CFHR5: variants seen among roughly 807,000 people sequenced by gnomAD.
CFHR5 encodes the protein complement factor H related 5.
Under a neutral mutation model 62.9 loss-of-function variants are expected in CFHR5, and 73 were observed. The observed-to-expected ratio is 1.16, with a 90% CI of 0.96 to 1.41. The LOEUF (loss-of-function observed/expected upper bound fraction) is 1.41, where lower values mean the gene tolerates loss of function less well. Ranked by LOEUF, CFHR5 falls within the 40% of genes most tolerant of loss-of-function variation. CFHR5 has a pLI of 0.00. For missense variants in CFHR5, 779 were observed against 679.9 expected, an observed-to-expected ratio of 1.15 and a Z score of -1.62; for synonymous variants, 249 against 227.2, an observed-to-expected ratio of 1.10 and a Z score of -0.86.
chr1:197,007,028 G>T (rs1263830909), intron 9 of CFHR5, among the ~76,000 whole-genome samples: 2 of 151,646 alleles, frequency 1.3e-5, no homozygotes, highest in Non-Finnish European at 2.9e-5. Context: ...GTAGAGACAG[G>T]GTTTCACCCT....
rs140691305 is a variant in CFHR5 at position 196,984,036 on chromosome 1, T to C, written c.329T>C (p.Val110Ala). ...CTAATACATCTGGAAGGTGATACTG[T>C]ACAAATTATTTGCAACACAGGATAC... is the stretch of plus-strand genomic sequence containing the variant. ...SGLIHLEGDT[V>A]QIICNTGYSL... The change falls in exon 3 of 10, where the codon GTA (valine) becomes GCA (alanine). Residue 110 changes from valine (V) to alanine (A), a missense_variant. Transcript: ENST00000256785. 1,505 of 1,613,088 alleles carry C rather than the reference T, an allele frequency of 9.3e-4. 27 individuals are homozygous for C. In the South Asian group the frequency reaches 0.014, roughly 15 times the overall value.
At chr1:196,985,517 A>G (rs892856610) in intron 3 of CFHR5, among the ~76,000 whole-genome samples, 2 of 152,218 alleles carry the variant, frequency 1.3e-5, no homozygotes, top group Admixed American at 1.3e-4. Flanking sequence ...AACAAATGTT[A>G]CTAACACTAG....
Position 196,993,059 on chromosome 1 carries a change from C to T in CFHR5, c.431-1021C>T, listed in dbSNP as rs150980186. 7.2e-5 allele frequency among the ~76,000 whole-genome samples: 11 copies of T among 152,012 alleles called. No homozygotes were observed. In the East Asian group the frequency reaches 1.9e-3, roughly 27 times the overall value. On this transcript the variant is annotated intron_variant, in intron 3 of 9. Transcript: ENST00000256785. ...ATGAAAGATTATTAAATGAGAAAAA[C>T]ACACATATTCATATACATATCTATT...
At chr1:196,983,923 A>G (rs771889857) in intron 2 of CFHR5, 38 bp from the exon 3 acceptor site, 2 of 1,432,864 alleles carry the variant, frequency 1.4e-6, no homozygotes, top group Non-Finnish European at 1.9e-6. Context: ...TTTTTTTGCT[A>G]CTTCCATCTT....
At chr1:196,997,337 C>A (rs947022733) in intron 6 of CFHR5, among the ~76,000 whole-genome samples, 4 of 152,098 alleles carry the variant, frequency 2.6e-5, no homozygotes, top group Non-Finnish European at 4.4e-5. Flanking sequence ...AACTTTTATG[C>A]AAGGAGTACA....
At chr1:196,991,537 C>A (rs867017394) in intron 3 of CFHR5, among the ~76,000 whole-genome samples, 11 of 152,264 alleles carry the variant, frequency 7.2e-5, no homozygotes, top group Non-Finnish European at 1.2e-4. Flanking sequence ...TGGTGACCTA[C>A]AGATGGGGTT....
At chr1:196,997,485 A>G (rs1212170104) in intron 6 of CFHR5, among the ~76,000 whole-genome samples, 4 of 152,180 alleles carry the variant, frequency 2.6e-5, no homozygotes, top group African/African-American at 7.2e-5. Context: ...AAAAGGCTCC[A>G]TAACTATCTA....
intron 2 of CFHR5, among the ~76,000 whole-genome samples, chr1:196,983,724 C>T (rs1360076907): frequency 6.6e-6 from 1 of 152,032 alleles, no homozygotes; most frequent in African/African-American, 2.4e-5. Flanking sequence ...AGTTTATAAA[C>T]ACAAGATTTT....
chr1:196,982,991 T>C lies in CFHR5; in HGVS notation c.165T>C (p.Cys55=). ...VPTGEVFYYS[C]EYNFVSPSKS... ...CAGGGGAAGTTTTCTATTACTCCTG[T>C]GAATATAATTTTGTGTCTCCTTCAA... The change falls in exon 2 of 10, where the codon TGT becomes TGC. Residue 55 remains cysteine (C), a synonymous_variant. Coordinates refer to ENST00000256785, the MANE Select transcript of CFHR5 (RefSeq NM_030787.4). The C allele has an allele frequency of 6.2e-7, 1 of 1,614,128 alleles. No homozygotes were observed. The highest frequency in any genetic ancestry group is 8.5e-7 in the Non-Finnish European group (1 of 1,180,022).
chr1:196,989,103 T>G (rs1032254874), intron 3 of CFHR5, among the ~76,000 whole-genome samples: 1 of 152,168 alleles, frequency 6.6e-6, no homozygotes, highest in African/African-American at 2.4e-5. Flanking sequence ...CTTGGGAGGA[T>G]GTATGTGTCG....
intron 9 of CFHR5, among the ~76,000 whole-genome samples, chr1:197,005,254 A>G (rs1029722010): frequency 9.9e-5 from 15 of 152,184 alleles, no homozygotes; most frequent in African/African-American, 3.4e-4. Context: ...AGCTTTCCCT[A>G]GTAGAACACC....
At chr1:196,993,577 A>G (rs1301218187) in intron 3 of CFHR5, among the ~76,000 whole-genome samples, 1 of 152,108 alleles carries the variant, frequency 6.6e-6, no homozygotes, top group Admixed American at 6.6e-5. Context: ...GATTACAGAC[A>G]TGACCCACCA....
intron 9 of CFHR5, among the ~76,000 whole-genome samples, chr1:197,005,053 C>T (rs1414154849): frequency 6.6e-6 from 1 of 152,084 alleles, no homozygotes; most frequent in East Asian, 1.9e-4. Flanking sequence ...ATTTTAAAGA[C>T]CTACATGTGA....
chr1:196,995,707 T>C lies in CFHR5; in HGVS notation c.608-10T>C. 6.2e-7 allele frequency: 1 copy of C among 1,609,964 alleles called. No homozygotes were observed. On this transcript the variant is annotated splice_polypyrimidine_tract_variant and intron_variant, in intron 4 of 9. Coordinates refer to ENST00000256785, the MANE Select transcript of CFHR5 (RefSeq NM_030787.4). ...CCATTTAAGCATTATTTATGGTTTC[T>C]TTATAATAGGACAAGTACGATCATG...
At chr1:197,005,455 G>A (rs1275572288) in intron 9 of CFHR5, among the ~76,000 whole-genome samples, 2 of 152,004 alleles carry the variant, frequency 1.3e-5, no homozygotes, top group Non-Finnish European at 2.9e-5. Flanking sequence ...TGTGCACTTT[G>A]TGGCATTAAA....
At chr1:196,993,381 G>A (rs535930072) in intron 3 of CFHR5, among the ~76,000 whole-genome samples, 21 of 151,944 alleles carry the variant, frequency 1.4e-4, no homozygotes, top group Admixed American at 3.3e-4. Flanking sequence ...TGCAACCTCC[G>A]CCTCCTGGGT....
intron 9 of CFHR5, among the ~76,000 whole-genome samples, chr1:197,006,426 TC>T (rs907249115): frequency 6.6e-6 from 1 of 152,092 alleles, no homozygotes; most frequent in Non-Finnish European, 1.5e-5. Context: ...AATAATTTTT[TC>T]CAGCCAGGCA....
At chr1:196,999,376 A>C (rs1038328491) in intron 7 of CFHR5, among the ~76,000 whole-genome samples, 3 of 151,782 alleles carry the variant, frequency 2.0e-5, no homozygotes, top group Non-Finnish European at 4.4e-5. Context: ...TGAAATGTTT[A>C]CTTAAATTGG....
chr1:196,984,329 T>A (rs1262778269), intron 3 of CFHR5, among the ~76,000 whole-genome samples, 192 bp downstream of exon 3: 1 of 152,194 alleles, frequency 6.6e-6, no homozygotes, highest in Non-Finnish European at 1.5e-5. Context: ...CAAATGTACG[T>A]AATAAGAAGA....
Sources: gnomAD v4.1 joint callset for allele counts (sites outside exome capture counted in the v4.1 genomes callset) on GRCh38, gnomAD v4.1.1 for gene constraint, MANE v1.5 for transcripts, NCBI Gene and HGNC (gene_info 2026-07-23, HGNC 2026-07-21) for gene names.